The following ATRNL1 variants were observed in gnomAD, a reference collection of about 807,000 sequenced individuals.
The protein encoded by ATRNL1 is attractin like 1, also known as attractin-like protein 1.
ATRNL1 carries 95 observed loss-of-function variants against 182.7 expected under a neutral mutation model. That is an observed-to-expected ratio of 0.52 (90% CI 0.44 to 0.62). The LOEUF is 0.62. Among genes scored for constraint, ATRNL1 ranks in the 20% least tolerant of loss-of-function variants. ATRNL1 has a pLI of 0.00. For synonymous variants in ATRNL1, 576 were observed against 568.3 expected, an observed-to-expected ratio of 1.01 and a Z score of -0.19; for missense variants, 1,471 against 1,679.5, an observed-to-expected ratio of 0.88 and a Z score of 2.17.
intron 17 of ATRNL1, among the ~76,000 whole-genome samples, chr10:115,311,603 A>T (rs1854031617): frequency 6.6e-6 from 1 of 152,170 alleles, no homozygotes; most frequent in Admixed American, 6.5e-5. Flanking sequence ...CTTGGGTAGA[A>T]TGTTCTGTTA....
chr10:115,912,823 A>G (rs1952724589), intron 28 of ATRNL1, among the ~76,000 whole-genome samples: 1 of 152,202 alleles, frequency 6.6e-6, no homozygotes, highest in Non-Finnish European at 1.5e-5. Flanking sequence ...CACTCTTCAT[A>G]TGGTAGAAAT....
At chr10:115,399,362 C>A (rs1844442701) in intron 20 of ATRNL1, among the ~76,000 whole-genome samples, 1 of 151,992 alleles carries the variant, frequency 6.6e-6, no homozygotes, top group South Asian at 2.1e-4. Flanking sequence ...GATTATTGGT[C>A]TGTTCAGGAA....
chr10:115,850,667 T>G (rs1555100255), intron 28 of ATRNL1, among the ~76,000 whole-genome samples: 1 of 152,200 alleles, frequency 6.6e-6, no homozygotes. Context: ...TAATAAATTA[T>G]TTTGATAATG....
chr10:115,309,604 T>A (rs1221051314), intron 17 of ATRNL1, among the ~76,000 whole-genome samples: 1 of 152,158 alleles, frequency 6.6e-6, no homozygotes, highest in Non-Finnish European at 1.5e-5. Context: ...GTGCTACTGA[T>A]CAGTGTACAT....
intron 28 of ATRNL1, among the ~76,000 whole-genome samples, chr10:115,910,824 C>T (rs925723526): frequency 6.6e-6 from 1 of 152,170 alleles, no homozygotes; most frequent in Non-Finnish European, 1.5e-5. Flanking sequence ...CCTAACTTCT[C>T]ATCCCGCCTG....
intron 20 of ATRNL1, among the ~76,000 whole-genome samples, chr10:115,413,605 G>C (rs1845246583): frequency 6.6e-6 from 1 of 152,016 alleles, no homozygotes; most frequent in Non-Finnish European, 1.5e-5. Flanking sequence ...CCACTTTGGT[G>C]CTCACATTGT....
At chr10:115,817,980 C>G (rs1950206161) in intron 27 of ATRNL1, among the ~76,000 whole-genome samples, 1 of 150,580 alleles carries the variant, frequency 6.6e-6, no homozygotes, top group Admixed American at 6.6e-5. Flanking sequence ...GTTTTATCAT[C>G]AGGGAGAGAC....
At chr10:115,662,198 T>A (rs2133907098) in intron 26 of ATRNL1, among the ~76,000 whole-genome samples, 1 of 152,128 alleles carries the variant, frequency 6.6e-6, no homozygotes, top group Non-Finnish European at 1.5e-5. Flanking sequence ...TTTGGCTTGG[T>A]TCCAAGTCTT....
chr10:115,214,041 TACACACAC>T (rs149167399), intron 8 of ATRNL1, among the ~76,000 whole-genome samples: 9 of 147,200 alleles, frequency 6.1e-5, no homozygotes, highest in African/African-American at 1.5e-4. Context: ...TACAAATATG[TACACACAC>T]ACACACACAC....
In ATRNL1 at chr10:115,713,752, A is replaced by C. The variant is rs144476196; in HGVS notation, c.3796-13496A>C. On this transcript the variant is annotated intron_variant, in intron 26 of 28. Transcript: ENST00000355044. ...TCTATCTATCTATCTATCTATCTAT[A>C]GTCTCTCCATAAGAGATTGAATGAG... Among the ~76,000 whole-genome samples the C allele has an allele frequency of 4.6e-3, 639 of 140,438 alleles. 5 individuals carry two copies. The highest frequency in any genetic ancestry group is 0.013 in the African/African-American group (504 of 37,398). 92.1% of individuals were successfully genotyped at this position (140,438 alleles called of 152,430 possible).
chr10:115,768,745 A>T (rs908108795), intron 27 of ATRNL1, among the ~76,000 whole-genome samples: 5 of 152,090 alleles, frequency 3.3e-5, no homozygotes, highest in Non-Finnish European at 5.9e-5. Context: ...ATTTTATTTC[A>T]TAGTTTATAA....
intron 28 of ATRNL1, among the ~76,000 whole-genome samples, chr10:115,924,748 A>T (rs1319732523): frequency 6.6e-6 from 1 of 152,154 alleles, no homozygotes; most frequent in African/African-American, 2.4e-5. Flanking sequence ...CTTTGATTCC[A>T]TGTGAAATCT....
intron 19 of ATRNL1, among the ~76,000 whole-genome samples, chr10:115,389,851 A>G (rs1395045118): frequency 6.6e-6 from 1 of 151,952 alleles, no homozygotes; most frequent in African/African-American, 2.4e-5. Context: ...CATCCCTGCC[A>G]GCATTTGTTA....
intron 21 of ATRNL1, among the ~76,000 whole-genome samples, chr10:115,456,741 T>C (rs2134508850): frequency 6.6e-6 from 1 of 152,250 alleles, no homozygotes; most frequent in African/African-American, 2.4e-5. Flanking sequence ...CAGACAAAAC[T>C]CTAATACAGT....
Position 115,093,624 on chromosome 10 carries a change from C to T in ATRNL1, c.-127C>T. ...TCCCTCCTGACCGGGGAGCGGGACTCGGACGGGCGCCGGTGAGGAGGAGGA... is the reference window on the plus strand; with the variant it reads ...TCCCTCCTGACCGGGGAGCGGGACTTGGACGGGCGCCGGTGAGGAGGAGGA... On this transcript the variant is annotated 5_prime_UTR_variant, in exon 1 of 29. Transcript: ENST00000355044. This position sits in a 1 kb window ranked among gnomAD's most constrained non-coding sequence, Gnocchi z 6.1. 2 of 1,110,506 alleles carry T rather than the reference C, an allele frequency of 1.8e-6. No individual in the cohort carries two copies. Among genetic ancestry groups the T allele is most frequent in the Non-Finnish European group, 2.6e-6 (2 of 772,556 alleles). The allele number at this position is 1,110,506 out of a possible 1,614,324, so 68.8% of individuals were successfully genotyped here.
chr10:115,902,465 G>C (rs924594824), intron 28 of ATRNL1, among the ~76,000 whole-genome samples: 4 of 152,078 alleles, frequency 2.6e-5, no homozygotes, highest in Non-Finnish European at 5.9e-5. Context: ...TAATTAAAAA[G>C]ACAAAGGGAT....
intron 28 of ATRNL1, among the ~76,000 whole-genome samples, chr10:115,942,638 G>T (rs1953764089): frequency 6.6e-6 from 1 of 152,200 alleles, no homozygotes; most frequent in Non-Finnish European, 1.5e-5. Context: ...ATAAAATAAT[G>T]ATATTCTACG....
At chr10:115,348,254 T>A (rs187773956) in intron 19 of ATRNL1, among the ~76,000 whole-genome samples, 51 of 152,332 alleles carry the variant, frequency 3.3e-4, no homozygotes, top group Admixed American at 2.3e-3. Context: ...ATTACAGGCA[T>A]GAGGCACCGC....
intron 26 of ATRNL1, among the ~76,000 whole-genome samples, chr10:115,586,448 C>T (rs1855508113): frequency 9.1e-6 from 1 of 109,426 alleles, no homozygotes; most frequent in African/African-American, 2.8e-5. Flanking sequence ...AGGCTTTGTT[C>T]GTTTCTTTTT....
Sources: gnomAD v4.1 joint callset for allele counts (sites outside exome capture counted in the v4.1 genomes callset) on GRCh38, gnomAD v4.1.1 for gene constraint, Gnocchi (gnomAD v3.1) non-coding constraint, MANE v1.5 for transcripts, NCBI Gene and HGNC (gene_info 2026-07-23, HGNC 2026-07-21) for gene names.